ADAMTSL1: variants seen among roughly 807,000 people sequenced by gnomAD.
ADAMTSL1 encodes the protein ADAMTS-like protein 1.
Under a neutral mutation model 201.8 loss-of-function variants are expected in ADAMTSL1, and 126 were observed. The observed-to-expected ratio is 0.62, with a 90% CI of 0.54 to 0.72. The LOEUF is 0.72. Among genes scored for constraint, ADAMTSL1 ranks in the 30% least tolerant of loss-of-function variants. The pLI is 0.00. For synonymous variants in ADAMTSL1, 1,121 were observed against 903.4 expected (o/e 1.24, Z -4.32); for missense variants, 2,679 against 2,277.8 (o/e 1.18, Z -3.59).
intron 1 of ADAMTSL1, among the ~76,000 whole-genome samples, chr9:18,015,308 C>T (rs1017055153): frequency 6.6e-6 from 1 of 152,028 alleles, no homozygotes; most frequent in Non-Finnish European, 1.5e-5. Flanking sequence ...GAGGAAGTTT[C>T]TAAAGGAAAG....
intron 2 of ADAMTSL1, among the ~76,000 whole-genome samples, chr9:18,365,631 C>G (rs559559258): frequency 6.6e-6 from 1 of 152,086 alleles, no homozygotes; most frequent in South Asian, 2.1e-4. Context: ...GTTTTTTAGG[C>G]TAGGGTGAAT....
At chr9:18,513,456 C>T (rs1318197282) in intron 2 of ADAMTSL1, among the ~76,000 whole-genome samples, 2 of 152,152 alleles carry the variant, frequency 1.3e-5, no homozygotes, top group Non-Finnish European at 2.9e-5. Flanking sequence ...AGAGTTCATT[C>T]ATTGTTGTTC....
chr9:18,377,395 T>C (rs1251991386), intron 2 of ADAMTSL1, among the ~76,000 whole-genome samples: 1 of 152,222 alleles, frequency 6.6e-6, no homozygotes, highest in East Asian at 1.9e-4. Flanking sequence ...TACATCCAGA[T>C]ATCGAGATCT....
At chr9:18,139,849 T>C (rs1340207727) in intron 1 of ADAMTSL1, among the ~76,000 whole-genome samples, 1 of 152,162 alleles carries the variant, frequency 6.6e-6, no homozygotes, top group Non-Finnish European at 1.5e-5. Context: ...AATTAAAATA[T>C]GATTCCTCTT....
intron 2 of ADAMTSL1, among the ~76,000 whole-genome samples, chr9:18,366,742 C>T (rs939020866): frequency 1.4e-5 from 2 of 146,140 alleles, no homozygotes; most frequent in African/African-American, 5.1e-5. Context: ...CTCTGCCTCC[C>T]GAGTAGCTGG....
intron 1 of ADAMTSL1, among the ~76,000 whole-genome samples, chr9:17,950,657 A>G (rs913148990): frequency 6.6e-6 from 1 of 152,058 alleles, no homozygotes; most frequent in African/African-American, 2.4e-5. Context: ...GTTGTATAAT[A>G]TTTCCATCAT....
chr9:18,717,862 A>G, intron 14 of ADAMTSL1: 1 of 771,124 alleles, frequency 1.3e-6, no homozygotes, highest in Non-Finnish European at 2.3e-6. Flanking sequence ...GTACCACCAC[A>G]GGAAAGTCCA....
intron 2 of ADAMTSL1, among the ~76,000 whole-genome samples, chr9:18,464,053 T>C (rs1418834553): frequency 1.3e-5 from 2 of 152,202 alleles, no homozygotes; most frequent in African/African-American, 2.4e-5. Flanking sequence ...GGCTGTCTCA[T>C]GTGTGAGTAG....
intron 6 of ADAMTSL1, 103 bp from the exon 7 acceptor site, chr9:18,639,151 T>G: frequency 9.1e-7 from 1 of 1,094,036 alleles, no homozygotes; most frequent in Non-Finnish European, 1.4e-6. Flanking sequence ...TAAAGAATGA[T>G]GTGTCTCCCT....
At chr9:18,387,973 T>C (rs1396992810) in intron 2 of ADAMTSL1, among the ~76,000 whole-genome samples, 1 of 128,956 alleles carries the variant, frequency 7.8e-6, no homozygotes, top group Admixed American at 7.4e-5. Context: ...ACATTCAAAA[T>C]TGCTGTACCT....
At chr9:18,872,747 C>A (rs1827938898) in intron 23 of ADAMTSL1, among the ~76,000 whole-genome samples, 1 of 152,164 alleles carries the variant, frequency 6.6e-6, no homozygotes, top group African/African-American at 2.4e-5. Context: ...GATTGATGGG[C>A]ATTTGGGCTG....
chr9:18,894,547 G>T (rs565383086), intron 26 of ADAMTSL1, among the ~76,000 whole-genome samples: 1 of 152,122 alleles, frequency 6.6e-6, no homozygotes, highest in Admixed American at 6.5e-5. Flanking sequence ...CATTGGATAT[G>T]AGGGATGAGA....
intron 1 of ADAMTSL1, among the ~76,000 whole-genome samples, chr9:18,114,996 C>T (rs894528605): frequency 1.3e-5 from 2 of 152,092 alleles, no homozygotes; most frequent in African/African-American, 4.8e-5. Flanking sequence ...CGTTAGTTGT[C>T]AATGATAATT....
chr9:18,176,417 G>T (rs914771551), intron 2 of ADAMTSL1, among the ~76,000 whole-genome samples: 1 of 151,986 alleles, frequency 6.6e-6, no homozygotes, highest in Admixed American at 6.6e-5. Flanking sequence ...AACAATCTTG[G>T]TAACAATAAT....
chr9:18,566,864 G>T (rs1047055306), intron 3 of ADAMTSL1, among the ~76,000 whole-genome samples: 3 of 152,154 alleles, frequency 2.0e-5, no homozygotes, highest in Non-Finnish European at 4.4e-5. Context: ...AAGAACGCAG[G>T]CATGACATGA....
intron 13 of ADAMTSL1, among the ~76,000 whole-genome samples, chr9:18,700,584 C>A (rs565008793): frequency 6.6e-6 from 1 of 152,172 alleles, no homozygotes; most frequent in South Asian, 2.1e-4. Context: ...TGCCCAGAAT[C>A]AGGGGAAGGA....
At chr9:18,335,596 T>C (rs1050973256) in intron 2 of ADAMTSL1, among the ~76,000 whole-genome samples, 5 of 152,132 alleles carry the variant, frequency 3.3e-5, no homozygotes, top group African/African-American at 1.2e-4. Context: ...GCTTCACATG[T>C]TCAAGACAAT....
intron 2 of ADAMTSL1, among the ~76,000 whole-genome samples, chr9:18,528,908 C>T (rs1819265825): frequency 6.6e-6 from 1 of 151,870 alleles, no homozygotes; most frequent in Admixed American, 6.6e-5. Flanking sequence ...TGTTTTCATC[C>T]CCAGAGGTAA....
chr9:18,820,522 C>A (rs1249287724), intron 21 of ADAMTSL1, among the ~76,000 whole-genome samples: 2 of 152,164 alleles, frequency 1.3e-5, no homozygotes, highest in Admixed American at 6.5e-5. Flanking sequence ...TCCCTTTTAT[C>A]CTGCTTTATT....
Sources: allele counts gnomAD v4.1 joint callset (sites outside exome capture counted in the v4.1 genomes callset), GRCh38; gene constraint gnomAD v4.1.1; transcripts MANE v1.5; gene names NCBI Gene and HGNC (gene_info 2026-07-23, HGNC 2026-07-21).